Variants in HDAC9 observed in about 807,000 individuals in gnomAD.
The protein encoded by HDAC9 is histone deacetylase 9, also known as MEF-2 interacting transcription repressor (MITR) protein.
HDAC9 carries 41 observed loss-of-function variants against 139.4 expected under a neutral mutation model. The observed-to-expected ratio is 0.29, with a 90% CI of 0.23 to 0.38. The LOEUF is 0.38. Ranked by LOEUF, HDAC9 falls within the 10% of genes least tolerant of loss-of-function variation. The probability of loss-of-function intolerance (pLI) is 1.00; values close to 1 mark genes in which losing one functional copy is unlikely to be tolerated. For synonymous variants in HDAC9, 517 were observed against 476.2 expected, an observed-to-expected ratio of 1.09 and a Z score of -1.12; for missense variants, 1,147 against 1,297.0, an observed-to-expected ratio of 0.88 and a Z score of 1.78.
At chr7:18,558,009 G>A (rs1304642647) in intron 2 of HDAC9, among the ~76,000 whole-genome samples, 4 of 151,994 alleles carry the variant, frequency 2.6e-5, no homozygotes. Context: ...TTTAAAGAAT[G>A]TTCTTATATT....
chr7:18,444,341 GA>G (rs754142568), intron 1 of HDAC9, among the ~76,000 whole-genome samples: 1,370 of 35,166 alleles, frequency 0.039, 5 homozygotes, highest in Middle Eastern at 0.083. Context: ...GACCCTGTCT[GA>G]AAAAAAAAAA....
chr7:18,822,589 G>T (rs1202735485), intron 17 of HDAC9, among the ~76,000 whole-genome samples: 1 of 152,144 alleles, frequency 6.6e-6, no homozygotes, highest in East Asian at 1.9e-4. Context: ...CTTGACCTCA[G>T]GTATCCACCT....
At chr7:18,856,515 A>G (rs1420981213) in intron 21 of HDAC9, among the ~76,000 whole-genome samples, 2 of 152,102 alleles carry the variant, frequency 1.3e-5, no homozygotes, top group Non-Finnish European at 2.9e-5. Flanking sequence ...TGTAGGTAGA[A>G]CCTCTATTTT....
At chr7:18,469,146 T>G (rs946635453) in intron 1 of HDAC9, among the ~76,000 whole-genome samples, 1 of 152,218 alleles carries the variant, frequency 6.6e-6, no homozygotes, top group African/African-American at 2.4e-5. Context: ...TTGGCCAGTG[T>G]GACTAAATCA....
intron 21 of HDAC9, among the ~76,000 whole-genome samples, chr7:18,859,811 CAT>C (rs56249427): frequency 0.083 from 3,694 of 44,330 alleles, 116 homozygotes; most frequent in Middle Eastern, 0.11. Context: ...CTAACGCTCT[CAT>C]ATATATATAT....
At chr7:18,385,937 C>T (rs1284272774) in intron 1 of HDAC9, among the ~76,000 whole-genome samples, 1 of 152,016 alleles carries the variant, frequency 6.6e-6, no homozygotes, top group Non-Finnish European at 1.5e-5. Context: ...ACTCACATTC[C>T]ATATACCCAA....
chr7:18,911,302 G>A (rs981098691), intron 22 of HDAC9, among the ~76,000 whole-genome samples: 2 of 151,594 alleles, frequency 1.3e-5, no homozygotes, highest in East Asian at 3.9e-4. Context: ...ATGTCTTGTT[G>A]TTGTATAGTT....
intron 22 of HDAC9, among the ~76,000 whole-genome samples, chr7:18,912,094 C>A (rs990842402): frequency 1.3e-5 from 2 of 151,908 alleles, no homozygotes; most frequent in Non-Finnish European, 2.9e-5. Context: ...ATTGAAGTCC[C>A]TAACTATTTT....
At chr7:18,982,024 G>A (rs1484607948) in intron 25 of HDAC9, among the ~76,000 whole-genome samples, 1 of 152,106 alleles carries the variant, frequency 6.6e-6, no homozygotes, top group East Asian at 1.9e-4. Context: ...AAGAGAATCA[G>A]GGTGGAAGAA....
intron 1 of HDAC9, among the ~76,000 whole-genome samples, chr7:18,424,312 C>T (rs2128754479): frequency 6.6e-6 from 1 of 152,264 alleles, no homozygotes; most frequent in Admixed American, 6.5e-5. Context: ...TGACTGTGGA[C>T]ATTTGGGCAA....
chr7:18,218,552 C>T (rs971270555), intron 2 of HDAC9, among the ~76,000 whole-genome samples: 16 of 152,160 alleles, frequency 1.1e-4, no homozygotes, highest in Non-Finnish European at 1.5e-4. Context: ...GGGATAATGA[C>T]ACAAGGGAGT....
chr7:18,980,644 G>A (rs538878655), intron 25 of HDAC9, among the ~76,000 whole-genome samples: 16 of 150,998 alleles, frequency 1.1e-4, no homozygotes, highest in African/African-American at 3.6e-4. Flanking sequence ...CTTCTTCCTC[G>A]ATTTGTTACA....
chr7:18,722,784 C>T (rs1026075104), intron 12 of HDAC9, among the ~76,000 whole-genome samples: 1 of 152,126 alleles, frequency 6.6e-6, no homozygotes, highest in Non-Finnish European at 1.5e-5. Flanking sequence ...TTGCAATCAA[C>T]TCTTTGAATA....
intron 14 of HDAC9, among the ~76,000 whole-genome samples, chr7:18,753,125 C>A (rs141175927): frequency 1.6e-4 from 25 of 152,192 alleles, no homozygotes; most frequent in African/African-American, 5.5e-4. Context: ...AAATATACAT[C>A]CCCTGTCTTC....
chr7:18,312,736 A>G (rs1363537728), intron 1 of HDAC9, among the ~76,000 whole-genome samples: 3 of 152,126 alleles, frequency 2.0e-5, no homozygotes, highest in Non-Finnish European at 4.4e-5. Flanking sequence ...GCTTGATCTC[A>G]GTTTTCTTAG....
upstream of HDAC9, among the ~76,000 whole-genome samples, chr7:18,286,235 C>T (rs1236841195): frequency 6.6e-6 from 1 of 151,744 alleles, no homozygotes; most frequent in East Asian, 1.9e-4. Flanking sequence ...CATGACCATG[C>T]TTCCTAAGAA....
chr7:18,983,994 C>G (rs954134747), intron 25 of HDAC9, among the ~76,000 whole-genome samples: 4 of 152,068 alleles, frequency 2.6e-5, no homozygotes, highest in Non-Finnish European at 5.9e-5. Context: ...ACTTCTTCTT[C>G]TTGAAAAATA....
intron 22 of HDAC9, among the ~76,000 whole-genome samples, chr7:18,877,594 T>G (rs1367543874): frequency 6.6e-6 from 1 of 152,218 alleles, no homozygotes; most frequent in African/African-American, 2.4e-5. Flanking sequence ...AATTATATTT[T>G]CTTAGCACAT....
intron 1 of HDAC9, among the ~76,000 whole-genome samples, chr7:18,317,626 G>A (rs1418785315): frequency 6.6e-6 from 1 of 152,142 alleles, no homozygotes; most frequent in African/African-American, 2.4e-5. Flanking sequence ...ATGGCATGCC[G>A]TGCTTGTGCC....
Sources: allele counts gnomAD v4.1 joint callset (sites outside exome capture counted in the v4.1 genomes callset), GRCh38; gene constraint gnomAD v4.1.1; transcripts MANE v1.5; gene names NCBI Gene and HGNC (gene_info 2026-07-23, HGNC 2026-07-21).